TAFA2: variants seen among roughly 807,000 people sequenced by gnomAD.
TAFA2 encodes TAFA chemokine like family member 2, also known as chemokine-like protein TAFA-2.
In TAFA2, 7 loss-of-function variants were observed where a neutral mutation model predicts 18.8. The observed-to-expected ratio is 0.37, with a 90% CI of 0.21 to 0.70. TAFA2 has a LOEUF of 0.70. Ranked by LOEUF, TAFA2 falls within the 30% of genes least tolerant of loss-of-function variation. The pLI is 0.53. For missense variants in TAFA2, 122 were observed against 158.1 expected (o/e 0.77, Z 1.23); for synonymous variants, 60 against 54.2 (o/e 1.11, Z -0.47).
intron 1 of TAFA2, among the ~76,000 whole-genome samples, chr12:62,240,422 G>GA (rs36059415): frequency 0.014 from 2,022 of 145,624 alleles, 48 homozygotes; most frequent in African/African-American, 0.048. Context: ...CTGTCTCAGG[G>GA]AAAAAAAAAA....
intron 1 of TAFA2, among the ~76,000 whole-genome samples, chr12:62,043,195 A>C (rs1460579503): frequency 6.6e-6 from 1 of 152,164 alleles, no homozygotes; most frequent in Non-Finnish European, 1.5e-5. Context: ...TCACACTAGC[A>C]AAGACTTGGA....
At chr12:62,245,903 T>C (rs1272797644) in intron 1 of TAFA2, among the ~76,000 whole-genome samples, 5 of 150,808 alleles carry the variant, frequency 3.3e-5, no homozygotes, top group Admixed American at 3.3e-4. Flanking sequence ...TTTAGCTCAT[T>C]AGTTTTCATC....
At chr12:61,759,067 C>T (rs148717059) in intron 2 of TAFA2, among the ~76,000 whole-genome samples, 22 of 152,104 alleles carry the variant, frequency 1.4e-4, no homozygotes, top group African/African-American at 4.8e-4. Context: ...ACCATTCTAG[C>T]ACCAAGGCCA....
At chr12:62,211,312 G>A (rs1281408289) in intron 1 of TAFA2, among the ~76,000 whole-genome samples, 1 of 152,156 alleles carries the variant, frequency 6.6e-6, no homozygotes, top group Non-Finnish European at 1.5e-5. Flanking sequence ...AGGCACAGTG[G>A]CTCATGCCTG....
At chr12:62,038,978 CT>C (rs1472714870) in intron 1 of TAFA2, among the ~76,000 whole-genome samples, 4 of 152,162 alleles carry the variant, frequency 2.6e-5, no homozygotes, top group African/African-American at 9.7e-5. Context: ...TAGCTCATTA[CT>C]GCATTGCTCC....
At chr12:61,808,322 C>G (rs929184800) in intron 2 of TAFA2, among the ~76,000 whole-genome samples, 1 of 151,518 alleles carries the variant, frequency 6.6e-6, no homozygotes, top group Non-Finnish European at 1.5e-5. Context: ...GATTATGAGG[C>G]CTCCGCACCA....
At chr12:61,928,544 A>C (rs1001300585) in intron 1 of TAFA2, among the ~76,000 whole-genome samples, 1 of 152,140 alleles carries the variant, frequency 6.6e-6, no homozygotes, top group Admixed American at 6.5e-5. Flanking sequence ...ATGGAGAAAT[A>C]AGAATGCTTT....
chr12:61,922,226 G>T, intron 1 of TAFA2, among the ~76,000 whole-genome samples: 1 of 152,172 alleles, frequency 6.6e-6, no homozygotes, highest in East Asian at 1.9e-4. Flanking sequence ...CCAATAAAAA[G>T]TAAATAACTG....
chr12:62,086,150 C>A (rs369480042), intron 1 of TAFA2, among the ~76,000 whole-genome samples: 4 of 150,518 alleles, frequency 2.7e-5, no homozygotes, highest in Non-Finnish European at 4.4e-5. Context: ...ATTATGAGAA[C>A]GGACTAAGAC....
rs1264243881 is a variant in TAFA2 at position 62,192,318 on chromosome 12, C to G, written c.-1061G>C. 6.6e-6 allele frequency: 1 copy of G among 152,224 alleles called. No homozygotes were observed. The highest frequency in any genetic ancestry group is 1.5e-5 in the Non-Finnish European group (1 of 68,076). The allele number at this position is 152,224 out of a possible 1,614,324, so 9.4% of individuals were successfully genotyped here. ...AGCAGTGCCCTGGCACCGTCACCAC[C>G]GAGGAGGTGCGAGTTCCAACATCGA... On this transcript the variant is annotated 5_prime_UTR_variant, in exon 1 of 5. Transcript: ENST00000416284.
chr12:62,085,705 C>A (rs1194365611), intron 1 of TAFA2, among the ~76,000 whole-genome samples: 1 of 152,002 alleles, frequency 6.6e-6, no homozygotes, highest in Non-Finnish European at 1.5e-5. Context: ...GAATAGGTAC[C>A]ATATACCTGA....
intron 2 of TAFA2, among the ~76,000 whole-genome samples, chr12:61,866,255 CA>C (rs905473687): frequency 3.3e-5 from 5 of 152,074 alleles, no homozygotes; most frequent in African/African-American, 1.2e-4. Context: ...ATTTTAAATA[CA>C]GGGGGAAGAG....
At chr12:61,994,471 A>G (rs1288835011) in intron 1 of TAFA2, among the ~76,000 whole-genome samples, 2 of 152,210 alleles carry the variant, frequency 1.3e-5, no homozygotes, top group Admixed American at 6.5e-5. Flanking sequence ...ACATTCAAAT[A>G]TGCTCCAAAA....
intron 1 of TAFA2, among the ~76,000 whole-genome samples, chr12:62,075,148 CAAT>C (rs1391925010): frequency 4.6e-5 from 7 of 152,214 alleles, no homozygotes; most frequent in African/African-American, 1.7e-4. Flanking sequence ...ATTTGTATAA[CAAT>C]AACAGCTATC....
rs369687624 is a variant in TAFA2, at chr12:62,224,899, T to C, written c.-130+33864A>G. On this transcript the variant is annotated intron_variant, in intron 1 of 5. Transcript: ENST00000551619. ...TTTTCGCAGATTTTTAAAATTAAAA[T>C]TAAAAAATAAGTAATGGGCAATACA... is the stretch of plus-strand genomic sequence containing the variant. 6.6e-5 allele frequency among the ~76,000 whole-genome samples: 10 copies of C among 152,178 alleles called. No homozygotes were observed. The South Asian group carries it at 1.9e-3, about 28-fold the overall frequency.
At position 61,892,241 on chromosome 12, in the gene TAFA2, G is replaced by C. The variant is rs567148533; in HGVS notation, c.-1-24815C>G. Reference sequence around the variant, plus strand: ...TGGTTTAAAAAACTAGATGAATATTGGTGTCATTACTACGATGGAGAGAAA... The same window carrying C: ...TGGTTTAAAAAACTAGATGAATATTCGTGTCATTACTACGATGGAGAGAAA... On this transcript the variant is annotated intron_variant, in intron 1 of 4. Coordinates refer to ENST00000416284, the MANE Select transcript of TAFA2 (RefSeq NM_178539.5). 2.9e-3 allele frequency among the ~76,000 whole-genome samples: 434 copies of C among 151,992 alleles called. 2 individuals are homozygous for C. The highest frequency in any genetic ancestry group is 1.0e-2 in the African/African-American group (413 of 41,444).
chr12:61,993,612 A>T (rs1026960305), intron 1 of TAFA2, among the ~76,000 whole-genome samples: 4 of 152,216 alleles, frequency 2.6e-5, no homozygotes, highest in African/African-American at 9.6e-5. Context: ...GTCATTGGCC[A>T]TAAGAGCACA....
intron 1 of TAFA2, among the ~76,000 whole-genome samples, chr12:61,873,369 T>A (rs1372541171): frequency 6.6e-6 from 1 of 151,962 alleles, no homozygotes; most frequent in Admixed American, 6.6e-5. Flanking sequence ...GTTACATATG[T>A]ATACATGTGC....
intron 1 of TAFA2, among the ~76,000 whole-genome samples, chr12:62,113,276 C>A (rs1869815666): frequency 6.6e-6 from 1 of 152,162 alleles, no homozygotes; most frequent in Non-Finnish European, 1.5e-5. Flanking sequence ...GCTGAAAGTC[C>A]ACTCCAGACC....
Sources: allele counts gnomAD v4.1 joint callset (sites outside exome capture counted in the v4.1 genomes callset), GRCh38; gene constraint gnomAD v4.1.1; transcripts MANE v1.5; gene names NCBI Gene and HGNC (gene_info 2026-07-23, HGNC 2026-07-21).